Variants in PEX14 observed in about 807,000 individuals in gnomAD.
PEX14 encodes peroxisomal membrane protein PEX14.
PEX14 carries 15 observed loss-of-function variants against 49.5 expected under a neutral mutation model. The ratio of observed to expected loss-of-function variants is 0.30; its 90% CI spans 0.20 to 0.47. PEX14 has a LOEUF of 0.47. PEX14 is among the 20% of genes least tolerant of loss of function. PEX14 has a pLI of 1.00. For synonymous variants in PEX14, 210 were observed against 212.7 expected, an observed-to-expected ratio of 0.99 and a Z score of 0.11; for missense variants, 398 against 494.8, an observed-to-expected ratio of 0.80 and a Z score of 1.86.
intron 3 of PEX14, among the ~76,000 whole-genome samples, chr1:10,591,635 CTG>C (rs61635531): frequency 0.039 from 5,404 of 139,576 alleles, 192 homozygotes; most frequent in African/African-American, 0.099. Flanking sequence ...GGTATACACA[CTG>C]TGTGTGTGTG....
chr1:10,504,613 G>C (rs1013897668), intron 2 of PEX14, among the ~76,000 whole-genome samples: 10 of 152,194 alleles, frequency 6.6e-5, no homozygotes, highest in African/African-American at 2.2e-4. Flanking sequence ...GGCCCAGCCA[G>C]GCCCGTGGCA....
In PEX14 at chr1:10,587,920, T is replaced by TTAA. The variant is rs1453146872; in HGVS notation, c.170-11318_170-11317insTAA. 6.8e-3 allele frequency among the ~76,000 whole-genome samples: 434 copies of TTAA among 64,090 alleles called. 4 individuals carry two copies. Among genetic ancestry groups the TTAA allele is most frequent in the South Asian group, 0.029 (38 of 1,316 alleles). The allele number at this position is 64,090 out of a possible 152,430, so 42.0% of individuals were successfully genotyped here. A position where few individuals can be genotyped will look rare whatever the true frequency, so the allele number is the denominator to read the frequency against. Reference sequence around the variant, plus strand: ...CTTTTTTTTTTTTTTTTTTTTTTTTTAAAAAAAAAAGAGATGGAGTCTTGG... The same window carrying TTAA: ...CTTTTTTTTTTTTTTTTTTTTTTTTTTAAAAAAAAAAAAGAGATGGAGTCTTGG... On this transcript the variant is annotated intron_variant, in intron 3 of 8. Transcript: ENST00000356607.
intron 3 of PEX14, among the ~76,000 whole-genome samples, chr1:10,555,692 C>T (rs574396406): frequency 1.3e-5 from 2 of 150,818 alleles, no homozygotes; most frequent in East Asian, 2.0e-4. Flanking sequence ...GGTGAGGGGC[C>T]GCAGTGCCTG....
intron 3 of PEX14, among the ~76,000 whole-genome samples, chr1:10,554,862 G>A (rs531981131): frequency 2.5e-4 from 38 of 152,054 alleles, no homozygotes; most frequent in African/African-American, 9.2e-4. Context: ...TTACTGATGC[G>A]TACCACCATA....
intron 3 of PEX14, among the ~76,000 whole-genome samples, chr1:10,584,968 G>A (rs940635853): frequency 6.6e-6 from 1 of 152,178 alleles, no homozygotes; most frequent in African/African-American, 2.4e-5. Flanking sequence ...ACAAAAGGAG[G>A]GGTGGAGGGA....
At chr1:10,526,512 T>C (rs1239359296) in intron 2 of PEX14, among the ~76,000 whole-genome samples, 1 of 152,176 alleles carries the variant, frequency 6.6e-6, no homozygotes, top group Non-Finnish European at 1.5e-5. Flanking sequence ...AGTCTGCCAG[T>C]TGACTGCATT....
chr1:10,578,919 AGCCTTAATGACCT>A (rs1261463766), intron 3 of PEX14, among the ~76,000 whole-genome samples: 6 of 152,176 alleles, frequency 3.9e-5, no homozygotes, highest in African/African-American at 1.4e-4. Context: ...ATAGGACCAG[AGCCTTAATGACCT>A]GCAGGACAAA....
rs2124488668 is a variant in PEX14, at chr1:10,539,685, A to G, written c.169+3388A>G. ...TCCAGGAGGTTAGAGTAACGTAAAAACAGCAATAGAATCAGTCCAGAAAGT... is the reference window on the plus strand; with the variant it reads ...TCCAGGAGGTTAGAGTAACGTAAAAGCAGCAATAGAATCAGTCCAGAAAGT... On this transcript the variant is annotated intron_variant, in intron 3 of 8. Coordinates refer to ENST00000356607, the MANE Select transcript of PEX14 (RefSeq NM_004565.3). This position sits in a 1 kb window ranked among gnomAD's most constrained non-coding sequence, Gnocchi z 4.6. 6.6e-6 allele frequency among the ~76,000 whole-genome samples: 1 copy of G among 152,262 alleles called. No individual in the cohort carries two copies. Among genetic ancestry groups the G allele is most frequent in the Non-Finnish European group, 1.5e-5 (1 of 68,028 alleles).
chr1:10,526,178 C>T (rs1365973831), intron 2 of PEX14, among the ~76,000 whole-genome samples: 1 of 151,704 alleles, frequency 6.6e-6, no homozygotes, highest in South Asian at 2.1e-4. Context: ...CCTCAGCCTC[C>T]CAAAGTGCTG....
intron 3 of PEX14, among the ~76,000 whole-genome samples, chr1:10,558,368 C>T (rs1312408761): frequency 6.6e-6 from 1 of 151,968 alleles, no homozygotes; most frequent in East Asian, 1.9e-4. Context: ...TTGATCCCAC[C>T]CCACCCCTAC....
intron 2 of PEX14, among the ~76,000 whole-genome samples, chr1:10,515,518 T>G (rs2124443567): frequency 6.6e-6 from 1 of 152,290 alleles, no homozygotes; most frequent in Middle Eastern, 3.4e-3. Flanking sequence ...CCTGGCCGGC[T>G]TGTGTGGCCG....
chr1:10,525,784 C>A (rs893659872), intron 2 of PEX14, among the ~76,000 whole-genome samples: 16 of 152,086 alleles, frequency 1.1e-4, no homozygotes, highest in African/African-American at 3.9e-4. Flanking sequence ...TGCCACCACA[C>A]CCGGCTAATT....
chr1:10,524,437 C>A, intron 2 of PEX14: 1 of 964,432 alleles, frequency 1.0e-6, no homozygotes, highest in Non-Finnish European at 1.2e-6. Flanking sequence ...AAGGAGTTAC[C>A]ATTGATTTAA....
rs373525645 is a variant in PEX14 at position 10,604,200 on chromosome 1, C to T, written c.298+4834C>T. ...GGTGAGGACGGTGGCACAGAAGAGG[C>T]GACGGGAAGCTTCAGAGAGCAGATG... On this transcript the variant is annotated intron_variant, in intron 4 of 8. Coordinates refer to ENST00000356607, the MANE Select transcript of PEX14 (RefSeq NM_004565.3). 5.5e-4 allele frequency among the ~76,000 whole-genome samples: 83 copies of T among 152,212 alleles called. 1 individual carries two copies. The highest frequency in any genetic ancestry group is 1.8e-3 in the African/African-American group (75 of 41,526).
In PEX14 at chr1:10,509,243, C is replaced by T. The variant is rs183138443; in HGVS notation, c.84+13922C>T. 1.1e-4 allele frequency among the ~76,000 whole-genome samples: 17 copies of T among 151,542 alleles called. No individual in the cohort carries two copies. In the East Asian group the frequency reaches 2.9e-3, roughly 26 times the overall value. On this transcript the variant is annotated intron_variant, in intron 2 of 8. Coordinates refer to ENST00000356607, the MANE Select transcript of PEX14 (RefSeq NM_004565.3). ...GATTACAGGCGTGAGCCACCGCGCC[C>T]GGCAAAGGCATGCCTCTTAACCTCA...
chr1:10,541,905 C>T (rs971124645), intron 3 of PEX14, among the ~76,000 whole-genome samples: 1 of 152,188 alleles, frequency 6.6e-6, no homozygotes, highest in African/African-American at 2.4e-5. Flanking sequence ...CTCCACTTCA[C>T]CCTGCGATGG....
chr1:10,489,886 C>T (rs1009832675), intron 1 of PEX14, among the ~76,000 whole-genome samples: 2 of 152,184 alleles, frequency 1.3e-5, no homozygotes, highest in African/African-American at 4.8e-5. Flanking sequence ...GGATCGTAGT[C>T]CTGCACTGCC....
chr1:10,506,060 G>A (rs963048536), intron 2 of PEX14, among the ~76,000 whole-genome samples: 2 of 152,010 alleles, frequency 1.3e-5, no homozygotes, highest in African/African-American at 4.8e-5. Flanking sequence ...CTTGCATTTG[G>A]CATCCCTGTC....
chr1:10,483,833 C>T (rs1234503142), intron 1 of PEX14, among the ~76,000 whole-genome samples: 1 of 151,686 alleles, frequency 6.6e-6, no homozygotes, highest in African/African-American at 2.4e-5. Flanking sequence ...TTCCCTTACG[C>T]CCCTTCCCAT....
Sources: gnomAD v4.1 joint callset for allele counts (sites outside exome capture counted in the v4.1 genomes callset) on GRCh38, gnomAD v4.1.1 for gene constraint, Gnocchi (gnomAD v3.1) non-coding constraint, MANE v1.5 for transcripts, NCBI Gene and HGNC (gene_info 2026-07-23, HGNC 2026-07-21) for gene names.